Variants in CDH13 observed in about 807,000 individuals in gnomAD.
CDH13 encodes the protein cadherin-13.
A neutral mutation model predicts 63.8 loss-of-function variants in CDH13; 24 were observed. The ratio of observed to expected loss-of-function variants is 0.38; its 90% CI spans 0.27 to 0.53. The LOEUF is 0.53. Ranked by LOEUF, CDH13 falls within the 20% of genes least tolerant of loss-of-function variation. The pLI is 0.85. For synonymous variants in CDH13, 503 were observed against 355.3 expected (o/e 1.42, Z -4.67); for missense variants, 1,049 against 903.1 (o/e 1.16, Z -2.07).
chr16:83,755,000 T>C (rs996763147), intron 11 of CDH13, among the ~76,000 whole-genome samples: 10 of 152,058 alleles, frequency 6.6e-5, no homozygotes, highest in African/African-American at 2.4e-4. Flanking sequence ...AATGTGTAAG[T>C]GATGAACAAG....
intron 2 of CDH13, among the ~76,000 whole-genome samples, chr16:83,020,995 C>T (rs1269182431): frequency 6.6e-6 from 1 of 152,204 alleles, no homozygotes; most frequent in Non-Finnish European, 1.5e-5. Flanking sequence ...CAGAAGGAGA[C>T]TTTTACACAT....
intron 2 of CDH13, among the ~76,000 whole-genome samples, chr16:82,890,006 G>C (rs553688176): frequency 2.0e-5 from 3 of 152,332 alleles, no homozygotes; most frequent in African/African-American, 7.2e-5. Flanking sequence ...TGTTTTTGAA[G>C]ATTTGTGACT....
At position 82,746,276 on chromosome 16, in the gene CDH13, C is replaced by T. The variant is rs7197325; in HGVS notation, c.46-112086C>T. 4.1e-3 allele frequency among the ~76,000 whole-genome samples: 353 copies of T among 85,282 alleles called. 5 individuals are homozygous for T. The highest frequency in any genetic ancestry group is 0.015 in the South Asian group (29 of 1,966). The allele number at this position is 85,282 out of a possible 152,430, so 55.9% of individuals were successfully genotyped here. ...ATATATATGTGTTTATATATAAACA[C>T]ACTGTATGTATGATGCATGTATATA... is the stretch of plus-strand genomic sequence containing the variant. On this transcript the variant is annotated intron_variant, in intron 1 of 13. Coordinates refer to ENST00000567109, the MANE Select transcript of CDH13 (RefSeq NM_001257.5).
chr16:83,676,129 G>T (rs1357584525), intron 9 of CDH13, among the ~76,000 whole-genome samples: 4 of 152,316 alleles, frequency 2.6e-5, no homozygotes, highest in African/African-American at 9.6e-5. Flanking sequence ...ACAACCAGTT[G>T]TCCCCAGCCG....
chr16:82,848,920 T>A (rs538491943), intron 1 of CDH13, among the ~76,000 whole-genome samples: 3 of 152,176 alleles, frequency 2.0e-5, no homozygotes, highest in Non-Finnish European at 2.9e-5. Context: ...AAGTTGTGAA[T>A]GCAAAGGAAG....
intron 11 of CDH13, among the ~76,000 whole-genome samples, chr16:83,760,623 C>T (rs944432336): frequency 2.6e-5 from 4 of 152,214 alleles, no homozygotes; most frequent in Admixed American, 1.3e-4. Flanking sequence ...TTATATAAAG[C>T]TCAAACCCAG....
chr16:83,174,462 C>G (rs1325060166), intron 4 of CDH13, among the ~76,000 whole-genome samples: 3 of 151,874 alleles, frequency 2.0e-5, no homozygotes, highest in Non-Finnish European at 4.4e-5. Context: ...AGCAAATGAC[C>G]ACTCATAATT....
At chr16:83,509,557 A>G (rs2151600931) in intron 7 of CDH13, among the ~76,000 whole-genome samples, 1 of 152,300 alleles carries the variant, frequency 6.6e-6, no homozygotes, top group South Asian at 2.1e-4. Context: ...TTGTCCCATT[A>G]GCTGTGGTTT....
At chr16:83,154,872 A>G (rs1023301836) in intron 4 of CDH13, among the ~76,000 whole-genome samples, 5 of 152,200 alleles carry the variant, frequency 3.3e-5, no homozygotes, top group Non-Finnish European at 7.3e-5. Flanking sequence ...TGTAGCAAAA[A>G]TCTTTAAAAG....
At chr16:83,217,073 C>A (rs2039558482) in intron 4 of CDH13, among the ~76,000 whole-genome samples, 1 of 152,124 alleles carries the variant, frequency 6.6e-6, no homozygotes, top group South Asian at 2.1e-4. Flanking sequence ...TTTGACTGAA[C>A]TGGCATTATT....
chr16:82,720,121 CAAGT>C lies in CDH13; in HGVS notation c.45+92988_45+92991del, dbSNP rs1475383492. On this transcript the variant is annotated intron_variant, in intron 1 of 13. Transcript: ENST00000567109. ...TACATTTAAGAAAGATGAATAAAAA[CAAGT>C]AAGATAATCGTTTGCTCAATTTTTG... Among the ~76,000 whole-genome samples the C allele has an allele frequency of 4.6e-5, 7 of 151,988 alleles. No individual in the cohort carries two copies. In the East Asian group the frequency reaches 5.8e-4, roughly 13 times the overall value.
intron 2 of CDH13, among the ~76,000 whole-genome samples, chr16:82,903,046 TACA>T (rs1209831664): frequency 6.6e-6 from 1 of 152,216 alleles, no homozygotes; most frequent in Non-Finnish European, 1.5e-5. Context: ...TTTGAATCCT[TACA>T]ACAACTCTAT....
At chr16:82,895,859 C>A (rs2041237546) in intron 2 of CDH13, among the ~76,000 whole-genome samples, 1 of 152,160 alleles carries the variant, frequency 6.6e-6, no homozygotes, top group Non-Finnish European at 1.5e-5. Context: ...GTACGTCAAG[C>A]CAGTACACAT....
At chr16:83,244,606 G>C (rs916544596) in intron 5 of CDH13, among the ~76,000 whole-genome samples, 11 of 152,068 alleles carry the variant, frequency 7.2e-5, no homozygotes, top group African/African-American at 2.7e-4. Context: ...ACCACCCTCA[G>C]ATTTGGTGAT....
chr16:83,055,435 A>G (rs762448599), intron 3 of CDH13, among the ~76,000 whole-genome samples: 1 of 151,966 alleles, frequency 6.6e-6, no homozygotes, highest in Non-Finnish European at 1.5e-5. Flanking sequence ...AGACAGCACT[A>G]GAGATCTTTC....
chr16:83,702,672 G>A (rs989234816), intron 10 of CDH13, among the ~76,000 whole-genome samples: 1 of 152,206 alleles, frequency 6.6e-6, no homozygotes, highest in African/African-American at 2.4e-5. Flanking sequence ...GATGCTCAAG[G>A]TCGGTGGCCA....
At position 83,718,296 on chromosome 16, in the gene CDH13, C is replaced by T. The variant is rs181640911; in HGVS notation, c.1539-29812C>T. ...TCGTAGGCTGGGGGAGGTCCCCAAACGCCAGTGAGTCCTTGACCCCAGTCA... is the reference window on the plus strand; with the variant it reads ...TCGTAGGCTGGGGGAGGTCCCCAAATGCCAGTGAGTCCTTGACCCCAGTCA... On this transcript the variant is annotated intron_variant, in intron 10 of 13. Coordinates refer to ENST00000567109, the MANE Select transcript of CDH13 (RefSeq NM_001257.5). 3.7e-3 allele frequency among the ~76,000 whole-genome samples: 561 copies of T among 152,298 alleles called. 1 individual carries two copies. The highest frequency in any genetic ancestry group is 0.011 in the African/African-American group (445 of 41,558).
chr16:83,107,975 C>T (rs574546780), intron 3 of CDH13, among the ~76,000 whole-genome samples: 10 of 151,998 alleles, frequency 6.6e-5, no homozygotes, highest in African/African-American at 4.8e-5. Flanking sequence ...CCTGCCACCA[C>T]AGCCACCCAG....
chr16:83,588,798 G>T (rs896582131), intron 7 of CDH13, among the ~76,000 whole-genome samples: 1 of 152,202 alleles, frequency 6.6e-6, no homozygotes, highest in Admixed American at 6.5e-5. Flanking sequence ...AATGACAGAG[G>T]ATGTCATCCT....
Sources: allele counts gnomAD v4.1 joint callset (sites outside exome capture counted in the v4.1 genomes callset), GRCh38; gene constraint gnomAD v4.1.1; transcripts MANE v1.5; gene names NCBI Gene and HGNC (gene_info 2026-07-23, HGNC 2026-07-21).